Variants in SCD5 observed in about 807,000 individuals in gnomAD.
The protein encoded by SCD5 is stearoyl-CoA desaturase 5.
In SCD5, 20 loss-of-function variants were observed where a neutral mutation model predicts 30.4. The observed-to-expected ratio is 0.66, with a 90% CI of 0.46 to 0.96. The LOEUF (loss-of-function observed/expected upper bound fraction) is 0.96, where lower values mean the gene tolerates loss of function less well. Ranked by LOEUF, SCD5 falls within the 40% of genes least tolerant of loss-of-function variation. The probability of loss-of-function intolerance (pLI) is 0.00; values close to 1 mark genes in which losing one functional copy is unlikely to be tolerated. For synonymous variants in SCD5, 173 were observed against 176.4 expected (o/e 0.98, Z 0.16); for missense variants, 381 against 443.3 (o/e 0.86, Z 1.26).
chr4:82,649,326 C>T (rs947820538), intron 3 of SCD5, among the ~76,000 whole-genome samples: 4 of 152,046 alleles, frequency 2.6e-5, no homozygotes, highest in Non-Finnish European at 4.4e-5. Context: ...AATCAGTTCA[C>T]GTACCAGAGG....
chr4:82,679,238 A>AGAGAGAG (rs1380307346), intron 3 of SCD5, among the ~76,000 whole-genome samples: 6 of 89,016 alleles, frequency 6.7e-5, no homozygotes, highest in African/African-American at 2.3e-4. Context: ...GAAAGAAAGA[A>AGAGAGAG]AGAAAGAAAG....
intron 3 of SCD5, among the ~76,000 whole-genome samples, chr4:82,642,508 T>C (rs1193771720): frequency 6.6e-6 from 1 of 152,188 alleles, no homozygotes; most frequent in East Asian, 1.9e-4. Context: ...CTGTCCCGTG[T>C]CTATGACACT....
chr4:82,705,212 C>T (rs1719942667), intron 2 of SCD5, 71 bp downstream of exon 2: 4 of 1,567,068 alleles, frequency 2.6e-6, no homozygotes, highest in Non-Finnish European at 3.5e-6. Context: ...GGTGTCAGCC[C>T]ATCTTTCCCC....
chr4:82,670,590 G>T (rs1465457689), intron 3 of SCD5, among the ~76,000 whole-genome samples: 1 of 151,922 alleles, frequency 6.6e-6, no homozygotes, highest in African/African-American at 2.4e-5. Context: ...ATATCAATTG[G>T]ATGGAATAGT....
chr4:82,631,136 A>T lies in SCD5; in HGVS notation c.*191T>A. On this transcript the variant is annotated 3_prime_UTR_variant, in exon 5 of 5. Coordinates refer to ENST00000319540, the MANE Select transcript of SCD5 (RefSeq NM_001037582.3). ...AAAAACAAAACAAACAAAAAAAAAA[A>T]CGAAAGTTTTTTCATTGATAATTGT... 1.9e-6 allele frequency: 1 copy of T among 516,792 alleles called. No individual in the cohort carries two copies. The highest frequency in any genetic ancestry group is 3.3e-6 in the Non-Finnish European group (1 of 304,700). 32.0% of individuals were successfully genotyped at this position (516,792 alleles called of 1,614,324 possible).
At chr4:82,631,711 C>G (rs1213766118) in intron 4 of SCD5, among the ~76,000 whole-genome samples, 194 bp from the exon 5 acceptor site, 1 of 152,170 alleles carries the variant, frequency 6.6e-6, no homozygotes, top group Non-Finnish European at 1.5e-5. Context: ...GAAAAAATAG[C>G]AATAAATCGT....
Position 82,679,281 on chromosome 4 carries a change from AAGG to A in SCD5, c.569+1423_569+1425del, listed in dbSNP as rs1175698833. 8.2e-3 allele frequency among the ~76,000 whole-genome samples: 983 copies of A among 120,448 alleles called. 16 individuals carry two copies. The highest frequency in any genetic ancestry group is 0.031 in the Admixed American group (334 of 10,606). The allele number at this position is 120,448 out of a possible 152,430, so 79.0% of individuals were successfully genotyped here. ...GAAAGAAGGAAGGAAAGAAAGAAAG[AAGG>A]AAGGAAAGAAAGAAAGAAAACATCT... On this transcript the variant is annotated intron_variant, in intron 3 of 4. Coordinates refer to ENST00000319540, the MANE Select transcript of SCD5 (RefSeq NM_001037582.3).
At chr4:82,675,586 T>C (rs1728419125) in intron 3 of SCD5, among the ~76,000 whole-genome samples, 1 of 152,214 alleles carries the variant, frequency 6.6e-6, no homozygotes, top group East Asian at 1.9e-4. Flanking sequence ...AAGGACCTTG[T>C]TTTTATGTGT....
intron 1 of SCD5, among the ~76,000 whole-genome samples, chr4:82,732,709 T>C (rs17353994): frequency 0.38 from 58,477 of 152,066 alleles, 11,389 homozygotes; most frequent in Admixed American, 0.43. Context: ...TGAGAGGTTC[T>C]GGGGAAGCTC....
intron 3 of SCD5, among the ~76,000 whole-genome samples, chr4:82,672,881 T>C (rs778472071): frequency 6.6e-6 from 1 of 152,118 alleles, no homozygotes; most frequent in Non-Finnish European, 1.5e-5. Context: ...TATGCAAGGC[T>C]GGTTCAAAAT....
In SCD5 at chr4:82,660,766, C is replaced by A. The variant is rs143159746; in HGVS notation, c.569+19941G>T. The A allele has an allele frequency of 6.7e-4, 1,047 of 1,561,104 alleles. 9 individuals carry two copies. In the African/African-American group the frequency reaches 0.013, roughly 19 times the overall value. On this transcript the variant is annotated intron_variant, in intron 3 of 4. Transcript: ENST00000319540. ...AATAACCTAATGTTAGCACAGACTG[C>A]AGCTCTGTCTATGCTTCACACCGTT...
At chr4:82,689,756 T>C (rs1339714441) in intron 2 of SCD5, among the ~76,000 whole-genome samples, 2 of 152,154 alleles carry the variant, frequency 1.3e-5, no homozygotes, top group African/African-American at 4.8e-5. Context: ...AAAATAGCAA[T>C]TTTACAGTGG....
At chr4:82,786,927 T>C (rs1196035029) in intron 1 of SCD5, among the ~76,000 whole-genome samples, 2 of 151,660 alleles carry the variant, frequency 1.3e-5, no homozygotes, top group African/African-American at 2.4e-5. Context: ...ACAATGGCTA[T>C]GCCACAGTCC....
At chr4:82,757,108 T>A (rs1721249596) in intron 1 of SCD5, among the ~76,000 whole-genome samples, 1 of 152,072 alleles carries the variant, frequency 6.6e-6, no homozygotes, top group African/African-American at 2.4e-5. Context: ...GTGTGACACA[T>A]AAGGAGCCTT....
At chr4:82,781,467 C>T (rs1010127211) in intron 1 of SCD5, among the ~76,000 whole-genome samples, 25 of 151,730 alleles carry the variant, frequency 1.6e-4, no homozygotes, top group African/African-American at 5.1e-4. Flanking sequence ...ATCTCCTTTC[C>T]AAGAGAAGGG....
rs879940138 is a variant in SCD5 at position 82,725,809 on chromosome 4, G to A, written c.233-20396C>T. 5.3e-5 allele frequency among the ~76,000 whole-genome samples: 8 copies of A among 152,192 alleles called. No individual in the cohort carries two copies. In the South Asian group the frequency reaches 1.0e-3, roughly 20 times the overall value. On this transcript the variant is annotated intron_variant, in intron 1 of 4. Coordinates refer to ENST00000319540, the MANE Select transcript of SCD5 (RefSeq NM_001037582.3). ...TGGGAGGCAGAGGTTGCAGTGAGCC[G>A]AGACCATGCCACTGCACTGCAGCCT... is the stretch of plus-strand genomic sequence containing the variant.
intron 1 of SCD5, among the ~76,000 whole-genome samples, chr4:82,792,995 C>G (rs1722131422): frequency 6.6e-6 from 1 of 152,136 alleles, no homozygotes; most frequent in Non-Finnish European, 1.5e-5. Context: ...CTTGTTGGGA[C>G]TATTAGAGCC....
chr4:82,653,157 A>G (rs1286344983), intron 3 of SCD5, among the ~76,000 whole-genome samples: 1 of 152,176 alleles, frequency 6.6e-6, no homozygotes, highest in Non-Finnish European at 1.5e-5. Flanking sequence ...CTGTTTCCAG[A>G]AAAAGAGAAA....
Position 82,631,354 on chromosome 4 carries a change from C to G in SCD5, c.966G>C (p.Lys322Asn). The change falls in exon 5 of 5, where the codon AAG becomes AAC. Residue 322 changes from lysine (K) to asparagine (N), a missense_variant. Coordinates refer to ENST00000319540, the MANE Select transcript of SCD5 (RefSeq NM_001037582.3). ...RATKPMIEAR[K>N]ARTGDSSA ...AAGCACTGCTGTCTCCAGTCCTGGCCTTCCGGGCCTCGATCATCGGCTTGG... is the reference window on the plus strand; with the variant it reads ...AAGCACTGCTGTCTCCAGTCCTGGCGTTCCGGGCCTCGATCATCGGCTTGG... 1 of 1,614,120 alleles carries G rather than the reference C, an allele frequency of 6.2e-7. No individual in the cohort carries two copies. Among genetic ancestry groups the G allele is most frequent in the African/African-American group, 1.3e-5 (1 of 75,038 alleles).
Sources: gnomAD v4.1 joint callset for allele counts (sites outside exome capture counted in the v4.1 genomes callset) on GRCh38, gnomAD v4.1.1 for gene constraint, MANE v1.5 for transcripts, NCBI Gene and HGNC (gene_info 2026-07-23, HGNC 2026-07-21) for gene names.